Variants in TIA1 observed in about 807,000 individuals in gnomAD.
The protein encoded by TIA1 is cytotoxic granule associated RNA binding protein TIA1.
In TIA1, 23 loss-of-function variants were observed where a neutral mutation model predicts 65.9. That is an observed-to-expected ratio of 0.35 (90% CI 0.25 to 0.49). TIA1 has a LOEUF of 0.49. Among genes scored for constraint, TIA1 ranks in the 20% least tolerant of loss-of-function variants. The pLI, the probability that TIA1 is intolerant of heterozygous loss-of-function variation, is 0.98. For synonymous variants in TIA1, 147 were observed against 149.4 expected (o/e 0.98, Z 0.12); for missense variants, 371 against 477.9 (o/e 0.78, Z 2.09).
intron 7 of TIA1, among the ~76,000 whole-genome samples, chr2:70,219,723 G>A (rs991943266): frequency 3.0e-4 from 43 of 145,278 alleles, no homozygotes; most frequent in Admixed American, 2.1e-3. Context: ...GGGGTCCACA[G>A]ACTAGGTCGC....
At position 70,224,349 on chromosome 2, in the gene TIA1, C is replaced by A. The variant is rs145112497; in HGVS notation, c.474+205G>T. 5.6e-4 allele frequency: 326 copies of A among 584,640 alleles called. 3 individuals carry two copies. In the East Asian group the frequency reaches 9.3e-3, roughly 17 times the overall value. The allele number at this position is 584,640 out of a possible 1,614,324, so 36.2% of individuals were successfully genotyped here. A position where few individuals can be genotyped will look rare whatever the true frequency, so the allele number is the denominator to read the frequency against. On this transcript the variant is annotated intron_variant, in intron 7 of 12. Transcript: ENST00000433529. Reference sequence around the variant, plus strand: ...ATAATTTAAACAACTTTACTTTCTACATTCTGAAAACATCTTATCAGTACT... The same window carrying A: ...ATAATTTAAACAACTTTACTTTCTAAATTCTGAAAACATCTTATCAGTACT...
chr2:70,236,234 T>G, intron 1 of TIA1, 59 bp from the exon 2 acceptor site: 1 of 1,166,352 alleles, frequency 8.6e-7, no homozygotes, highest in Non-Finnish European at 1.3e-6. Context: ...GTTTCACTCT[T>G]GTTGCCCAGG....
rs1247940464 is a variant in TIA1, at chr2:70,227,728, T to G, written c.398+7A>C. The G allele has an allele frequency of 6.4e-7, 1 of 1,560,362 alleles. No homozygotes were observed. The highest frequency in any genetic ancestry group is 2.3e-5 in the East Asian group (1 of 44,206). On this transcript the variant is annotated splice_region_variant and intron_variant, in intron 6 of 12. Transcript: ENST00000433529. Reference sequence around the variant, plus strand: ...TAAAAGGATTTTATTTATCTTCTGTTACTTACGATATTCTTCCAAATGGTG... The same window carrying G: ...TAAAAGGATTTTATTTATCTTCTGTGACTTACGATATTCTTCCAAATGGTG...
intron 2 of TIA1, among the ~76,000 whole-genome samples, chr2:70,233,625 G>C (rs1390242854): frequency 1.3e-5 from 2 of 152,094 alleles, no homozygotes; most frequent in Non-Finnish European, 2.9e-5. Context: ...AACTAGCCAG[G>C]TGTGGTGGCG....
rs1287394607 is a variant in TIA1 at position 70,225,072 on chromosome 2, T to C, written c.399-443A>G. The C allele has an allele frequency of 4.1e-6, 4 of 986,016 alleles. No individual in the cohort carries two copies. The East Asian group carries it at 3.2e-4, about 79-fold the overall frequency. 61.1% of individuals were successfully genotyped at this position (986,016 alleles called of 1,614,324 possible). ...GGAAACCAAAAGAATGAAAAAGTTG[T>C]ATATTCCCTAAACTAATTAAACTAT... On this transcript the variant is annotated intron_variant, in intron 6 of 12. Transcript: ENST00000433529.
At chr2:70,224,496 G>T in intron 7 of TIA1, 58 bp downstream of exon 7, 1 of 1,604,486 alleles carries the variant, frequency 6.2e-7, no homozygotes, top group Non-Finnish European at 8.5e-7. Flanking sequence ...TAATTAAAAC[G>T]GAGTGTTTCC....
intron 1 of TIA1, among the ~76,000 whole-genome samples, chr2:70,245,299 T>G (rs542216233): frequency 1.3e-5 from 2 of 152,322 alleles, no homozygotes; most frequent in Non-Finnish European, 2.9e-5. Context: ...CTGCAGGCTT[T>G]TAAAGATGGT....
At chr2:70,239,065 A>T (rs1573734793) in intron 1 of TIA1, among the ~76,000 whole-genome samples, 2 of 152,092 alleles carry the variant, frequency 1.3e-5, no homozygotes, top group African/African-American at 4.8e-5. Flanking sequence ...GCAAAACTCT[A>T]TCTCTAAAAA....
At chr2:70,219,492 T>A (rs1680220125) in intron 7 of TIA1, among the ~76,000 whole-genome samples, 2 of 151,574 alleles carry the variant, frequency 1.3e-5, no homozygotes, top group African/African-American at 2.4e-5. Flanking sequence ...CGAAATGCTT[T>A]AAAAAAAAAT....
chr2:70,248,374 C>T, intron 1 of TIA1, 31 bp downstream of exon 1: 1 of 1,597,146 alleles, frequency 6.3e-7, no homozygotes, highest in Non-Finnish European at 8.5e-7. Flanking sequence ...CGACCACCAT[C>T]CCGCCTCCCT....
chr2:70,232,151 G>C (rs545596348), intron 2 of TIA1, among the ~76,000 whole-genome samples: 1 of 147,218 alleles, frequency 6.8e-6, no homozygotes, highest in Non-Finnish European at 1.5e-5. Flanking sequence ...GCAGTGTGCA[G>C]TGAGCCGAGA....
chr2:70,246,441 G>A (rs1282109674), intron 1 of TIA1, among the ~76,000 whole-genome samples: 1 of 152,192 alleles, frequency 6.6e-6, no homozygotes, highest in Non-Finnish European at 1.5e-5. Flanking sequence ...TTTGGTCAAG[G>A]TTTGCCTGAC....
chr2:70,233,478 G>T (rs1226983332), intron 2 of TIA1, among the ~76,000 whole-genome samples: 2 of 152,182 alleles, frequency 1.3e-5, no homozygotes, highest in Non-Finnish European at 2.9e-5. Flanking sequence ...GTTAGAAAAA[G>T]TCACTTGCGG....
At chr2:70,240,200 T>G (rs905373483) in intron 1 of TIA1, among the ~76,000 whole-genome samples, 3 of 152,170 alleles carry the variant, frequency 2.0e-5, no homozygotes, top group African/African-American at 7.2e-5. Context: ...ATTTTATAGA[T>G]GGGCAACGAC....
chr2:70,241,076 A>G (rs1466601727), intron 1 of TIA1, among the ~76,000 whole-genome samples: 1 of 152,208 alleles, frequency 6.6e-6, no homozygotes, highest in African/African-American at 2.4e-5. Flanking sequence ...GGAAGCTCAC[A>G]TTAGTTGATG....
At chr2:70,219,695 A>G (rs1680329300) in intron 7 of TIA1, among the ~76,000 whole-genome samples, 1 of 148,020 alleles carries the variant, frequency 6.8e-6, no homozygotes, top group Non-Finnish European at 1.5e-5. Context: ...TGGTTGCAAC[A>G]GGCAATGGGA....
rs1428476596 is a variant in TIA1, at chr2:70,212,287, AAAC to A, written c.*429_*431del. 6.4e-6 allele frequency: 1 copy of A among 155,720 alleles called. No individual in the cohort carries two copies. The highest frequency in any genetic ancestry group is 2.4e-5 in the African/African-American group (1 of 41,464). The allele number at this position is 155,720 out of a possible 1,614,324, so 9.6% of individuals were successfully genotyped here. ...GAATTGTGCACAAGCTGAAGATGAC[AAAC>A]AACTTCTAGACTCTGCACAGTTTTG... On this transcript the variant is annotated 3_prime_UTR_variant, in exon 13 of 13. Coordinates refer to ENST00000433529, the MANE Select transcript of TIA1 (RefSeq NM_022173.4).
intron 1 of TIA1, among the ~76,000 whole-genome samples, chr2:70,238,593 G>C (rs1690209196): frequency 6.6e-6 from 1 of 151,998 alleles, no homozygotes; most frequent in South Asian, 2.1e-4. Context: ...TAAATTATCA[G>C]TTGTTTTGAA....
intron 6 of TIA1, among the ~76,000 whole-genome samples, chr2:70,227,375 G>T (rs1684273976): frequency 6.6e-6 from 1 of 152,042 alleles, no homozygotes; most frequent in African/African-American, 2.4e-5. Context: ...AAAATGCATG[G>T]TATCATAGAA....
Sources: allele counts gnomAD v4.1 joint callset (sites outside exome capture counted in the v4.1 genomes callset), GRCh38; gene constraint gnomAD v4.1.1; transcripts MANE v1.5; gene names NCBI Gene and HGNC (gene_info 2026-07-23, HGNC 2026-07-21).